The following TET3 variants were observed in gnomAD, a reference collection of about 807,000 sequenced individuals.
TET3 encodes methylcytosine dioxygenase TET3.
TET3 carries 19 observed loss-of-function variants against 141.4 expected under a neutral mutation model. That is an observed-to-expected ratio of 0.13 (90% CI 0.09 to 0.20). TET3 has a LOEUF of 0.20. Among genes scored for constraint, TET3 ranks in the 10% least tolerant of loss-of-function variants. The pLI is 1.00. For synonymous variants in TET3, 1,043 were observed against 980.9 expected, an observed-to-expected ratio of 1.06 and a Z score of -1.18; for missense variants, 1,874 against 2,356.9, an observed-to-expected ratio of 0.80 and a Z score of 4.24.
intron 5 of TET3, among the ~76,000 whole-genome samples, chr2:74,076,559 C>T (rs967418264): frequency 6.9e-6 from 1 of 145,462 alleles, no homozygotes; most frequent in African/African-American, 2.5e-5. Context: ...GCTTGTCTCT[C>T]AAAAATACAC....
At chr2:74,055,229 G>C (rs1265621591) in intron 4 of TET3, among the ~76,000 whole-genome samples, 2 of 152,072 alleles carry the variant, frequency 1.3e-5, no homozygotes, top group Non-Finnish European at 2.9e-5. Flanking sequence ...CATCTAGACT[G>C]GTGCTAAGCC....
chr2:74,009,418 G>T (rs1412974461), intron 3 of TET3, among the ~76,000 whole-genome samples: 3 of 152,236 alleles, frequency 2.0e-5, no homozygotes, highest in Non-Finnish European at 2.9e-5. Context: ...GCTTGAATAG[G>T]CTCAGGCTGG....
the TET3 span, among the ~76,000 whole-genome samples, chr2:74,128,504 AATAAAGT>A: frequency 2.6e-5 from 4 of 152,156 alleles, no homozygotes; most frequent in Non-Finnish European, 5.9e-5. Flanking sequence ...AGGAAACTTG[AATAAAGT>A]ATGGGCTCTC....
At chr2:74,131,743 C>G in the TET3 span, among the ~76,000 whole-genome samples, 1 of 152,174 alleles carries the variant, frequency 6.6e-6, no homozygotes, top group Non-Finnish European at 1.5e-5. Flanking sequence ...GTGAACCTAG[C>G]ACTTTCCACA....
At chr2:74,049,213 T>G (rs984485196) in intron 4 of TET3, among the ~76,000 whole-genome samples, 2 of 151,994 alleles carry the variant, frequency 1.3e-5, no homozygotes, top group African/African-American at 4.8e-5. Flanking sequence ...GGTGGTGGTG[T>G]TCACTGATAA....
chr2:74,092,088 G>A (rs138235814), intron 8 of TET3, among the ~76,000 whole-genome samples: 1 of 152,300 alleles, frequency 6.6e-6, no homozygotes, highest in East Asian at 1.9e-4. Flanking sequence ...TGGATCACCT[G>A]AGGTCAGGAG....
At chr2:74,126,235 G>C in the TET3 span, among the ~76,000 whole-genome samples, 1 of 152,180 alleles carries the variant, frequency 6.6e-6, no homozygotes. Flanking sequence ...CTACCAGATT[G>C]ACACAGTAGA....
At chr2:74,000,006 G>GT (rs1355056666) in intron 2 of TET3, among the ~76,000 whole-genome samples, 1 of 152,166 alleles carries the variant, frequency 6.6e-6, no homozygotes, top group Non-Finnish European at 1.5e-5. Context: ...GGGGACCTGT[G>GT]TTTGGGGTAG....
intron 6 of TET3, among the ~76,000 whole-genome samples, chr2:74,082,379 C>T (rs1194822850): frequency 6.6e-6 from 1 of 152,098 alleles, no homozygotes; most frequent in Non-Finnish European, 1.5e-5. Context: ...TATGCCATTG[C>T]TCTGGGGTCT....
chr2:74,008,936 TC>T (rs751333808), intron 3 of TET3, among the ~76,000 whole-genome samples: 1 of 152,128 alleles, frequency 6.6e-6, no homozygotes, highest in Non-Finnish European at 1.5e-5. Flanking sequence ...CAGGCATTTT[TC>T]CCCCGTGTAA....
the TET3 span, among the ~76,000 whole-genome samples, chr2:74,134,313 T>C: frequency 1.5e-3 from 230 of 152,344 alleles, no homozygotes; most frequent in African/African-American, 5.4e-3. Context: ...CTGATACAAC[T>C]GAGTGATTCT....
intron 3 of TET3, among the ~76,000 whole-genome samples, chr2:74,033,619 G>C (rs1022267424): frequency 3.9e-5 from 6 of 152,212 alleles, no homozygotes; most frequent in Middle Eastern, 3.2e-3. Flanking sequence ...AGTACAGCTG[G>C]TCACGTGAAC....
rs547420408 is a variant in TET3 at position 74,107,437 on chromosome 2, G to A, written c.*5261G>A. Reference sequence around the variant, plus strand: ...CGCGTTTTGACTACCCGTCATTCAGGGGTAACTCATCACTCTTCACACGGG... The same window carrying A: ...CGCGTTTTGACTACCCGTCATTCAGAGGTAACTCATCACTCTTCACACGGG... On this transcript the variant is annotated 3_prime_UTR_variant, in exon 12 of 12. Transcript: ENST00000409262. 1 of 152,296 alleles carries A rather than the reference G, an allele frequency of 6.6e-6. No individual in the cohort carries two copies. The highest frequency in any genetic ancestry group is 2.1e-4 in the South Asian group (1 of 4,826). The allele number at this position is 152,296 out of a possible 1,614,324, so 9.4% of individuals were successfully genotyped here.
At chr2:74,068,556 A>G (rs565163163) in intron 4 of TET3, among the ~76,000 whole-genome samples, 62 of 152,358 alleles carry the variant, frequency 4.1e-4, no homozygotes, top group African/African-American at 1.4e-3. Context: ...CAATGATATA[A>G]TGAGTATTCT....
At chr2:74,085,090 C>G (rs1573885177) in intron 6 of TET3, among the ~76,000 whole-genome samples, 2 of 151,040 alleles carry the variant, frequency 1.3e-5, no homozygotes, top group East Asian at 3.9e-4. Flanking sequence ...TACCTAATGC[C>G]ACTAAACGGT....
Position 74,100,734 on chromosome 2 carries a change from GAGA to G in TET3, c.3952_3954del (p.Lys1318del), listed in dbSNP as rs1319243018. 12 of 1,613,792 alleles carry G rather than the reference GAGA, an allele frequency of 7.4e-6. No individual in the cohort carries two copies. Among genetic ancestry groups the G allele is most frequent in the Non-Finnish European group, 1.0e-5 (12 of 1,179,876 alleles). On this transcript the variant is annotated inframe_deletion, in exon 12 of 12. Transcript: ENST00000409262. ...GCACAGTGGCAGCAGTGGCAGTTTT[GAGA>G]AGAAGCCAGACCTCCACGCTCTGCA...
chr2:74,025,177 T>C lies in TET3; in HGVS notation c.361-21101T>C, dbSNP rs1423954520. On this transcript the variant is annotated intron_variant, in intron 3 of 11. Transcript: ENST00000409262. ...AGGCGGAGCTTGCAGTGAGCCGAGA[T>C]TGTGCTACTGCACTCCAGCCTGGGT... Among the ~76,000 whole-genome samples, 3 of 146,356 alleles carry C rather than the reference T, an allele frequency of 2.0e-5. No homozygotes were observed. In the South Asian group the frequency reaches 6.6e-4, roughly 32 times the overall value.
intron 4 of TET3, among the ~76,000 whole-genome samples, chr2:74,057,759 G>A (rs1688292926): frequency 6.6e-6 from 1 of 152,196 alleles, no homozygotes; most frequent in Non-Finnish European, 1.5e-5. Flanking sequence ...TGTCAAGGGG[G>A]AGAAACTAGA....
intron 2 of TET3, among the ~76,000 whole-genome samples, chr2:74,002,233 G>A (rs535099162): frequency 6.6e-6 from 1 of 152,294 alleles, no homozygotes; most frequent in Admixed American, 6.5e-5. Context: ...AAAGGTTCGT[G>A]CTGCCTGGGC....
Sources: allele counts gnomAD v4.1 joint callset (sites outside exome capture counted in the v4.1 genomes callset), GRCh38; gene constraint gnomAD v4.1.1; transcripts MANE v1.5; gene names NCBI Gene and HGNC (gene_info 2026-07-23, HGNC 2026-07-21).